RIPOR2: variants seen among roughly 807,000 people sequenced by gnomAD.
RIPOR2 encodes the protein RHO family interacting cell polarization regulator 2.
RIPOR2 carries 39 observed loss-of-function variants against 114.5 expected under a neutral mutation model. The ratio of observed to expected loss-of-function variants is 0.34; its 90% CI spans 0.26 to 0.44. The LOEUF is 0.44. Ranked by LOEUF, RIPOR2 falls within the 20% of genes least tolerant of loss-of-function variation. The probability of loss-of-function intolerance (pLI) is 1.00; values close to 1 mark genes in which losing one functional copy is unlikely to be tolerated. For synonymous variants in RIPOR2, 445 were observed against 484.4 expected, an observed-to-expected ratio of 0.92 and a Z score of 1.07; for missense variants, 1,007 against 1,255.1, an observed-to-expected ratio of 0.80 and a Z score of 2.99.
intron 1 of RIPOR2, among the ~76,000 whole-genome samples, chr6:24,949,677 T>A (rs1195908124): frequency 6.6e-6 from 1 of 152,188 alleles, no homozygotes; most frequent in South Asian, 2.1e-4. Flanking sequence ...TCTAATATCA[T>A]GGAAACCCAT....
chr6:24,998,948 T>A (rs1177160484), intron 1 of RIPOR2, among the ~76,000 whole-genome samples: 1 of 152,164 alleles, frequency 6.6e-6, no homozygotes, highest in Non-Finnish European at 1.5e-5. Flanking sequence ...TGGGTGAATG[T>A]ACACTATAGG....
intron 1 of RIPOR2, among the ~76,000 whole-genome samples, chr6:25,040,906 T>G (rs1244751456): frequency 6.6e-6 from 1 of 152,096 alleles, no homozygotes; most frequent in East Asian, 1.9e-4. Context: ...TTTTGAAAAA[T>G]TGGAAAATCC....
intron 1 of RIPOR2, among the ~76,000 whole-genome samples, chr6:24,933,724 C>T (rs1771562160): frequency 6.6e-6 from 1 of 152,108 alleles, no homozygotes; most frequent in Admixed American, 6.6e-5. Context: ...ATTGAGGAGA[C>T]CAAAGTTAGC....
exon 1 of RIPOR2, chr6:25,041,961 C>T (rs1430079284): frequency 2.9e-6 from 2 of 693,646 alleles, no homozygotes; most frequent in African/African-American, 1.8e-5. Context: ...CTGCTCATGG[C>T]AAAGGAACAA....
chr6:24,931,555 C>A (rs1372368043), intron 1 of RIPOR2, among the ~76,000 whole-genome samples: 1 of 152,224 alleles, frequency 6.6e-6, no homozygotes, highest in Non-Finnish European at 1.5e-5. Context: ...ACAACTTTCT[C>A]AGACACAGTT....
At chr6:24,970,757 A>G (rs972558865) in intron 1 of RIPOR2, among the ~76,000 whole-genome samples, 4 of 152,240 alleles carry the variant, frequency 2.6e-5, no homozygotes, top group African/African-American at 7.2e-5. Flanking sequence ...GATTTTCAAT[A>G]AAAGGCAAAA....
intron 1 of RIPOR2, among the ~76,000 whole-genome samples, chr6:25,009,994 G>T (rs1203473872): frequency 6.6e-6 from 1 of 152,182 alleles, no homozygotes; most frequent in Non-Finnish European, 1.5e-5. Context: ...GGAGGAAGTA[G>T]TTCAGAGAGA....
chr6:24,941,711 T>C (rs1382642169), intron 1 of RIPOR2, among the ~76,000 whole-genome samples: 1 of 152,186 alleles, frequency 6.6e-6, no homozygotes, highest in Non-Finnish European at 1.5e-5. Flanking sequence ...CTGCTACTGA[T>C]AATAAAATTT....
At chr6:24,990,944 G>A (rs56772860) in intron 1 of RIPOR2, among the ~76,000 whole-genome samples, 18 of 152,112 alleles carry the variant, frequency 1.2e-4, no homozygotes, top group Non-Finnish European at 2.1e-4. Flanking sequence ...ATATGCATGC[G>A]CACTCAATGT....
rs1027105111 is a variant in RIPOR2 at position 24,830,258 on chromosome 6, G to A, written c.2506+251C>T. On this transcript the variant is annotated intron_variant, in intron 17 of 21. Coordinates refer to ENST00000643898, the MANE Select transcript of RIPOR2 (RefSeq NM_001286445.3). ...TGGGATAACTGACGTGAGCCACTGCGCCTGGCCAAAATGTAGTAGCTTTAA... is the reference window on the plus strand; with the variant it reads ...TGGGATAACTGACGTGAGCCACTGCACCTGGCCAAAATGTAGTAGCTTTAA... 3.3e-5 allele frequency among the ~76,000 whole-genome samples: 5 copies of A among 152,164 alleles called. No homozygotes were observed. The South Asian group carries it at 6.2e-4, about 19-fold the overall frequency.
intron 1 of RIPOR2, among the ~76,000 whole-genome samples, chr6:24,955,927 T>C (rs1773019088): frequency 6.6e-6 from 1 of 151,118 alleles, no homozygotes. Flanking sequence ...GAGAATTGCT[T>C]GAACCTGGGA....
Position 24,804,688 on chromosome 6 carries a change from TTGAAA to T in RIPOR2, c.*1680_*1684del, listed in dbSNP as rs1403947786. 2 of 152,186 alleles carry T rather than the reference TTGAAA, an allele frequency of 1.3e-5. No individual in the cohort carries two copies. Among genetic ancestry groups the T allele is most frequent in the Non-Finnish European group, 2.9e-5 (2 of 68,028 alleles). 9.4% of individuals were successfully genotyped at this position (152,186 alleles called of 1,614,324 possible). On this transcript the variant is annotated 3_prime_UTR_variant, in exon 22 of 22. Transcript: ENST00000643898. ...AGAAGCCTGGCAAACAATTTGCACT[TTGAAA>T]TGAAATGAGTCCTTTTTAAAAGTCT...
chr6:24,943,367 G>A (rs1237548095), intron 1 of RIPOR2, among the ~76,000 whole-genome samples: 2 of 152,120 alleles, frequency 1.3e-5, no homozygotes, highest in Non-Finnish European at 2.9e-5. Flanking sequence ...GGGAGGGATA[G>A]CATTAGGAGA....
At chr6:24,995,086 G>C (rs1344364910) in intron 1 of RIPOR2, among the ~76,000 whole-genome samples, 1 of 152,138 alleles carries the variant, frequency 6.6e-6, no homozygotes, top group African/African-American at 2.4e-5. Flanking sequence ...CTAGGCCTGA[G>C]CTACCAGCGT....
intron 1 of RIPOR2, among the ~76,000 whole-genome samples, chr6:24,924,938 AT>A (rs957249048): frequency 6.6e-5 from 10 of 152,270 alleles, no homozygotes; most frequent in Admixed American, 3.3e-4. Context: ...AAAATTTCAC[AT>A]ATTGTTATTG....
chr6:24,929,115 TA>T (rs1473755920), intron 1 of RIPOR2, among the ~76,000 whole-genome samples: 2 of 152,276 alleles, frequency 1.3e-5, no homozygotes, highest in East Asian at 1.9e-4. Context: ...CACTGCCAAT[TA>T]TATCTGGCTT....
At chr6:25,029,802 T>C (rs1269747894) in intron 1 of RIPOR2, among the ~76,000 whole-genome samples, 1 of 152,220 alleles carries the variant, frequency 6.6e-6, no homozygotes, top group Non-Finnish European at 1.5e-5. Context: ...GGAATTATAA[T>C]GATGTCTGGG....
intron 13 of RIPOR2, chr6:24,840,555 A>G: frequency 6.9e-7 from 1 of 1,452,996 alleles, no homozygotes. Context: ...AGTTAGAAGC[A>G]CTAAATGTCC....
At chr6:24,936,410 A>C (rs1771812192), upstream of RIPOR2, among the ~76,000 whole-genome samples, 1 of 152,226 alleles carries the variant, frequency 6.6e-6, no homozygotes, top group African/African-American at 2.4e-5. Flanking sequence ...TATTTTGCTC[A>C]GTAATAGTTG....
Sources: gnomAD v4.1 joint callset for allele counts (sites outside exome capture counted in the v4.1 genomes callset) on GRCh38, gnomAD v4.1.1 for gene constraint, MANE v1.5 for transcripts, NCBI Gene and HGNC (gene_info 2026-07-23, HGNC 2026-07-21) for gene names.